The following RBMS1 variants were observed in gnomAD, a reference collection of about 807,000 sequenced individuals.
The protein encoded by RBMS1 is RNA-binding motif, single-stranded-interacting protein 1.
RBMS1 carries 17 observed loss-of-function variants against 62.3 expected under a neutral mutation model. That is an observed-to-expected ratio of 0.27 (90% confidence interval 0.19 to 0.41). RBMS1 has a LOEUF of 0.41. Ranked by LOEUF, RBMS1 falls within the 10% of genes least tolerant of loss-of-function variation. The probability of loss-of-function intolerance (pLI) is 1.00; values close to 1 mark genes in which losing one functional copy is unlikely to be tolerated. For synonymous variants in RBMS1, 172 were observed against 170.0 expected, an observed-to-expected ratio of 1.01 and a Z score of -0.09; for missense variants, 334 against 504.5, an observed-to-expected ratio of 0.66 and a Z score of 3.24.
chr2:160,472,933 A>G (rs1684979194), intron 1 of RBMS1, among the ~76,000 whole-genome samples: 1 of 152,226 alleles, frequency 6.6e-6, no homozygotes, highest in African/African-American at 2.4e-5. Context: ...TCATGAGTAC[A>G]CATAATGGTG....
intron 1 of RBMS1, among the ~76,000 whole-genome samples, chr2:160,451,736 G>A (rs10929988): frequency 0.27 from 40,503 of 151,716 alleles, 6,287 homozygotes; most frequent in East Asian, 0.6. Flanking sequence ...AGCCACCCGA[G>A]TAGCTGGGAT....
chr2:160,345,913 T>A (rs1252304584), intron 2 of RBMS1, among the ~76,000 whole-genome samples: 2 of 152,140 alleles, frequency 1.3e-5, no homozygotes, highest in Non-Finnish European at 2.9e-5. Flanking sequence ...ATACAAAGTA[T>A]GGTGTCAAAA....
chr2:160,326,519 A>C (rs147511820), intron 2 of RBMS1, among the ~76,000 whole-genome samples: 1 of 152,298 alleles, frequency 6.6e-6, no homozygotes, highest in African/African-American at 2.4e-5. Flanking sequence ...ATGGAAACTT[A>C]AGTCTCCAAA....
chr2:160,345,013 C>T (rs1176383530), intron 2 of RBMS1, among the ~76,000 whole-genome samples: 2 of 151,974 alleles, frequency 1.3e-5, no homozygotes, highest in African/African-American at 2.4e-5. Context: ...CTATGTATCT[C>T]CTACAAATAA....
intron 2 of RBMS1, among the ~76,000 whole-genome samples, chr2:160,345,252 C>G (rs1692111788): frequency 6.6e-6 from 1 of 152,040 alleles, no homozygotes; most frequent in African/African-American, 2.4e-5. Context: ...CTATACCAGA[C>G]ATTTTCATAC....
chr2:160,431,686 T>C (rs1682903069), intron 1 of RBMS1, among the ~76,000 whole-genome samples: 1 of 152,142 alleles, frequency 6.6e-6, no homozygotes. Context: ...GGACTTTCAG[T>C]TCCTTATACT....
At chr2:160,423,482 A>G (rs527258033) in intron 1 of RBMS1, among the ~76,000 whole-genome samples, 12 of 152,148 alleles carry the variant, frequency 7.9e-5, no homozygotes, top group Non-Finnish European at 1.8e-4. Flanking sequence ...TTTGCACTTC[A>G]CTGCCCATTC....
At chr2:160,427,785 T>A (rs779699299) in intron 1 of RBMS1, among the ~76,000 whole-genome samples, 1 of 149,474 alleles carries the variant, frequency 6.7e-6, no homozygotes, top group Non-Finnish European at 1.5e-5. Context: ...ACACTCACCC[T>A]ACAGGATTAT....
At chr2:160,443,104 G>T (rs548642773) in intron 1 of RBMS1, among the ~76,000 whole-genome samples, 52 of 152,010 alleles carry the variant, frequency 3.4e-4, no homozygotes, top group Non-Finnish European at 6.5e-4. Flanking sequence ...TACTTGGGAG[G>T]CTGAGGCAGA....
intron 9 of RBMS1, chr2:160,283,730 C>T (rs189014063): frequency 1.3e-5 from 2 of 152,214 alleles, no homozygotes; most frequent in Non-Finnish European, 2.9e-5. Flanking sequence ...TGATAATAAT[C>T]ATAGCTAACA....
At chr2:160,289,305 C>T (rs189965350) in intron 6 of RBMS1, among the ~76,000 whole-genome samples, 38 of 152,070 alleles carry the variant, frequency 2.5e-4, no homozygotes, top group Admixed American at 2.1e-3. Context: ...ATTTTTTCCC[C>T]GCTAAAAGCA....
intron 3 of RBMS1, among the ~76,000 whole-genome samples, chr2:160,316,190 A>G (rs1394726218): frequency 6.6e-6 from 1 of 152,050 alleles, no homozygotes; most frequent in African/African-American, 2.4e-5. Flanking sequence ...GTTAAGTGTT[A>G]TTTCTTCTCA....
At chr2:160,408,680 AG>A (rs1469072298) in intron 1 of RBMS1, 1 of 152,160 alleles carries the variant, frequency 6.6e-6, no homozygotes, top group Non-Finnish European at 1.5e-5. Context: ...AAAGAGACAA[AG>A]GGAGGAGGGA....
intron 1 of RBMS1, among the ~76,000 whole-genome samples, chr2:160,469,692 G>A (rs185109898): frequency 6.6e-6 from 1 of 152,258 alleles, no homozygotes; most frequent in East Asian, 1.9e-4. Context: ...TCTCAAACAA[G>A]CGTATCAACG....
intron 2 of RBMS1, among the ~76,000 whole-genome samples, chr2:160,359,883 AAT>A (rs1693028250): frequency 6.6e-6 from 1 of 152,314 alleles, no homozygotes; most frequent in African/African-American, 2.4e-5. Context: ...ACAAATAATG[AAT>A]ATAACCATTT....
In RBMS1 at chr2:160,300,685, A is replaced by G. The variant is rs1161315409; in HGVS notation, c.606T>C (p.Asn202=). The G allele has an allele frequency of 1.2e-6, 2 of 1,603,496 alleles. No homozygotes were observed. Among genetic ancestry groups the G allele is most frequent in the East Asian group, 2.2e-5 (1 of 44,470 alleles). The part of the protein sequence containing the change: ...EKCEAVIGHF[N]GKFIKTPPGV... The stretch of plus-strand genomic sequence containing the variant: ...CTGGTGGTGTCTTAATAAATTTTCC[A>G]TTAAAATGACCAATAACAGCTTCAC... The change falls in exon 6 of 14, where the codon AAT becomes AAC. Residue 202 remains asparagine (N), a synonymous_variant. Coordinates refer to ENST00000348849, the MANE Select transcript of RBMS1 (RefSeq NM_016836.4).
At chr2:160,368,278 G>A (rs899691949) in intron 1 of RBMS1, among the ~76,000 whole-genome samples, 1 of 152,138 alleles carries the variant, frequency 6.6e-6, no homozygotes, top group Non-Finnish European at 1.5e-5. Context: ...TTTCACACCA[G>A]GACAGGGACG....
chr2:160,292,432 C>T (rs1688731064), intron 6 of RBMS1, among the ~76,000 whole-genome samples: 1 of 152,180 alleles, frequency 6.6e-6, no homozygotes, highest in Non-Finnish European at 1.5e-5. Context: ...AAGAAAAATT[C>T]TCAGGAGAGG....
At chr2:160,294,791 G>A (rs1344747629) in intron 6 of RBMS1, among the ~76,000 whole-genome samples, 1 of 152,128 alleles carries the variant, frequency 6.6e-6, no homozygotes, top group African/African-American at 2.4e-5. Context: ...GAAATGTTAT[G>A]TCTACCTATC....
Sources: allele counts gnomAD v4.1 joint callset (sites outside exome capture counted in the v4.1 genomes callset), GRCh38; gene constraint gnomAD v4.1.1; transcripts MANE v1.5; gene names NCBI Gene and HGNC (gene_info 2026-07-23, HGNC 2026-07-21).